Variants in SP110 observed in about 807,000 individuals in gnomAD.
SP110 encodes the protein interferon-induced protein 41, 30kD.
SP110 carries 62 observed loss-of-function variants against 92.7 expected under a neutral mutation model. That is an observed-to-expected ratio of 0.67 (90% CI 0.55 to 0.83). The LOEUF is 0.83. Among genes scored for constraint, SP110 ranks in the 40% least tolerant of loss-of-function variants. SP110 has a pLI of 0.00. For synonymous variants in SP110, 273 were observed against 305.3 expected, an observed-to-expected ratio of 0.89 and a Z score of 1.10; for missense variants, 793 against 863.9, an observed-to-expected ratio of 0.92 and a Z score of 1.03.
At position 230,215,038 on chromosome 2, in the gene SP110, A is replaced by T. The variant is rs762509016; in HGVS notation, c.228T>A (p.Phe76Leu). The part of the protein sequence containing the change: ...HNILTQLERT[F>L]NLSLLVTLFS... ...ACAATGTCACCAGAAGAGACAGGTT[A>T]AAAGTCCTCTCCAGTTGGGTGAGAA... Residue 76 changes from phenylalanine (F) to leucine (L), a missense_variant, in exon 3 of 19, where the codon TTT becomes TTA. Transcript: ENST00000258381. The T allele has an allele frequency of 5.0e-6, 8 of 1,613,586 alleles. No homozygotes were observed. In the South Asian group the frequency reaches 8.8e-5, roughly 18 times the overall value.
At chr2:230,190,005 G>A (rs1043117471) in intron 10 of SP110, among the ~76,000 whole-genome samples, 3 of 152,086 alleles carry the variant, frequency 2.0e-5, no homozygotes, top group Admixed American at 1.3e-4. Context: ...ATACTGCTGC[G>A]ATAAACATAC....
intron 6 of SP110, among the ~76,000 whole-genome samples, chr2:230,210,733 T>G (rs1299977062): frequency 6.6e-6 from 1 of 152,208 alleles, no homozygotes; most frequent in African/African-American, 2.4e-5. Flanking sequence ...AGCTGTCACC[T>G]TTTTCTTTAC....
intron 10 of SP110, 166 bp downstream of exon 10, chr2:230,200,719 T>C (rs1450694125): frequency 1.2e-5 from 8 of 656,634 alleles, no homozygotes; most frequent in Non-Finnish European, 1.9e-5. Flanking sequence ...TTTGTAGTAG[T>C]AAATATCATG....
intron 9 of SP110, 127 bp downstream of exon 9, chr2:230,202,452 C>T (rs2043276417): frequency 2.4e-6 from 2 of 826,990 alleles, no homozygotes; most frequent in South Asian, 1.6e-5. Context: ...TGTTATACCC[C>T]ATCCTCATTC....
In SP110 at chr2:230,168,917, A is replaced by ATTAAT. The variant is rs5839361; in HGVS notation, c.*206_*207insATTAA. On this transcript the variant is annotated 3_prime_UTR_variant, in exon 19 of 19. Transcript: ENST00000258381. ...ATCTGATGGTATTAAGGAAGTATTAATTTTTTTTTTTTTTAGTGTAGATAT... is the reference window on the plus strand; with the variant it reads ...ATCTGATGGTATTAAGGAAGTATTAATTAATTTTTTTTTTTTTTTAGTGTAGATAT... 42,168 of 421,518 alleles carry ATTAAT rather than the reference A, an allele frequency of 0.1. 485 individuals are homozygous for ATTAAT. Among genetic ancestry groups the ATTAAT allele is most frequent in the Middle Eastern group, 0.13 (180 of 1,406 alleles). 26.1% of individuals were successfully genotyped at this position (421,518 alleles called of 1,614,324 possible).
At chr2:230,183,998 C>T (rs1978583) in intron 11 of SP110, among the ~76,000 whole-genome samples, 120,430 of 152,078 alleles carry the variant, frequency 0.79, 47,788 homozygotes, top group Admixed American at 0.84. Flanking sequence ...CCCACCCCTG[C>T]AGATACTATG....
intron 12 of SP110, among the ~76,000 whole-genome samples, chr2:230,182,764 A>T (rs1195477829): frequency 6.6e-6 from 1 of 152,132 alleles, no homozygotes; most frequent in Non-Finnish European, 1.5e-5. Flanking sequence ...TACTCTTAGG[A>T]TACATGCCAT....
rs140086984 is a variant in SP110, at chr2:230,186,103, T to C, written c.1170A>G (p.Gln390=). 22 of 1,614,154 alleles carry C rather than the reference T, an allele frequency of 1.4e-5. No individual in the cohort carries two copies. In the African/African-American group the frequency reaches 2.3e-4, roughly 17 times the overall value. Residue 390 remains glutamine (Q), a synonymous_variant, in exon 11 of 19, where the codon CAA becomes CAG. Coordinates refer to ENST00000258381, the MANE Select transcript of SP110 (RefSeq NM_080424.4). ...SPGHGIQEKL[Q]VVDKVTQRKD... Reference sequence around the variant, plus strand: ...TCCTTTGAGTCACCTTATCCACCACTTGGAGCTTCTCTTGGATGCCATGCC... The same window carrying C: ...TCCTTTGAGTCACCTTATCCACCACCTGGAGCTTCTCTTGGATGCCATGCC...
At chr2:230,200,017 T>C (rs1261634900) in intron 10 of SP110, among the ~76,000 whole-genome samples, 3 of 152,280 alleles carry the variant, frequency 2.0e-5, no homozygotes, top group South Asian at 4.1e-4. Flanking sequence ...GAATAGGTCA[T>C]TCAATCTTCT....
At chr2:230,174,209 G>A (rs149431748) in intron 14 of SP110, 1 of 152,300 alleles carries the variant, frequency 6.6e-6, no homozygotes, top group East Asian at 1.9e-4. Flanking sequence ...GTCAGTTGAG[G>A]GATGCTCCAT....
rs370656079 is a variant in SP110, at chr2:230,215,070, G to A, written c.196C>T (p.His66Tyr). 6 of 1,613,504 alleles carry A rather than the reference G, an allele frequency of 3.7e-6. No individual in the cohort carries two copies. Among genetic ancestry groups the A allele is most frequent in the African/African-American group, 2.7e-5 (2 of 75,046 alleles). Residue 66 changes from histidine to tyrosine, a missense_variant, in exon 3 of 19, where the codon CAC becomes TAC. His to Tyr is a moderately conservative substitution (Grantham distance 83, BLOSUM62 2). Coordinates refer to ENST00000258381, the MANE Select transcript of SP110 (RefSeq NM_080424.4). ...RNLIPVSRVV[H>Y]NILTQLERTF... ...CTCTCCAGTTGGGTGAGAATGTTGT[G>A]CACCACTCTGGATACAGGGATCAAA...
At chr2:230,176,477 C>A (rs114830288) in intron 14 of SP110, 36 of 1,467,432 alleles carry the variant, frequency 2.5e-5, no homozygotes, top group Non-Finnish European at 3.1e-5. Flanking sequence ...ACATGATGAG[C>A]TTTTTCATTT....
chr2:230,205,093 G>A (rs1208202808), intron 8 of SP110, among the ~76,000 whole-genome samples: 1 of 152,114 alleles, frequency 6.6e-6, no homozygotes, highest in East Asian at 1.9e-4. Context: ...ATTTAAGCAT[G>A]GAAATAAACT....
intron 2 of SP110, among the ~76,000 whole-genome samples, chr2:230,216,453 G>A (rs144389693): frequency 1.5e-3 from 232 of 152,284 alleles, no homozygotes; most frequent in Non-Finnish European, 2.2e-3. Context: ...GGCAGCTATC[G>A]GATTCTCCTC....
At chr2:230,201,518 A>G (rs1285691683) in intron 9 of SP110, among the ~76,000 whole-genome samples, 1 of 152,208 alleles carries the variant, frequency 6.6e-6, no homozygotes, top group Non-Finnish European at 1.5e-5. Flanking sequence ...TCACTTGAGA[A>G]TGTTTTTGGT....
chr2:230,220,519 G>C (rs1372409179), upstream of SP110, among the ~76,000 whole-genome samples: 1 of 152,214 alleles, frequency 6.6e-6, no homozygotes, highest in Non-Finnish European at 1.5e-5. Flanking sequence ...CTGGAATTGT[G>C]CAGAGGCAGG....
intron 15 of SP110, chr2:230,172,473 T>C (rs1229182075): frequency 3.7e-6 from 2 of 544,718 alleles, no homozygotes; most frequent in South Asian, 2.1e-5. Context: ...AGTGTCAGAA[T>C]CTGGGCTTTC....
At chr2:230,183,786 T>C (rs2042234580) in intron 11 of SP110, 146 bp from the exon 12 acceptor site, 2 of 667,404 alleles carry the variant, frequency 3.0e-6, no homozygotes, top group Admixed American at 4.9e-5. Context: ...GACTTCCTTG[T>C]AGCATTGACT....
chr2:230,176,415 A>G (rs967541571), intron 14 of SP110: 4 of 1,340,682 alleles, frequency 3.0e-6, no homozygotes, highest in South Asian at 1.6e-5. Flanking sequence ...TATTTCTGAC[A>G]CCTTTGGTTT....
Sources: gnomAD v4.1 joint callset for allele counts (sites outside exome capture counted in the v4.1 genomes callset) on GRCh38, gnomAD v4.1.1 for gene constraint, MANE v1.5 for transcripts, NCBI Gene and HGNC (gene_info 2026-07-23, HGNC 2026-07-21) for gene names.